The following DLGAP1 variants were observed in gnomAD, a reference collection of about 807,000 sequenced individuals.
The protein encoded by DLGAP1 is DLG associated protein 1, also known as disks large-associated protein 1.
DLGAP1 carries 11 observed loss-of-function variants against 90.8 expected under a neutral mutation model. The ratio of observed to expected loss-of-function variants is 0.12; its 90% CI spans 0.08 to 0.20. The LOEUF is 0.20. Among genes scored for constraint, DLGAP1 ranks in the 10% least tolerant of loss-of-function variants. The pLI is 1.00. For synonymous variants in DLGAP1, 558 were observed against 540.7 expected (o/e 1.03, Z -0.44); for missense variants, 1,050 against 1,333.8 (o/e 0.79, Z 3.31).
At chr18:4,326,321 CTA>C (rs1157948348) in intron 1 of DLGAP1, among the ~76,000 whole-genome samples, 1 of 152,000 alleles carries the variant, frequency 6.6e-6, no homozygotes, top group Admixed American at 6.6e-5. Flanking sequence ...GTCAGAATGT[CTA>C]TTATTAAAAA....
intron 7 of DLGAP1, among the ~76,000 whole-genome samples, chr18:3,683,476 C>T (rs1302593373): frequency 6.6e-6 from 1 of 152,114 alleles, no homozygotes; most frequent in East Asian, 1.9e-4. Flanking sequence ...CCAAATCTAT[C>T]AAGAGAGAAA....
chr18:3,807,654 C>T (rs1465519601), intron 5 of DLGAP1, among the ~76,000 whole-genome samples: 1 of 61,890 alleles, frequency 1.6e-5, no homozygotes, highest in Non-Finnish European at 3.4e-5. Flanking sequence ...CATAGGTAAA[C>T]GTGTGCTCTG....
At chr18:3,537,973 T>C (rs1395121879) in intron 9 of DLGAP1, among the ~76,000 whole-genome samples, 2 of 152,226 alleles carry the variant, frequency 1.3e-5, no homozygotes, top group Non-Finnish European at 2.9e-5. Context: ...CAACACTAAA[T>C]ACACCAGATT....
chr18:4,093,583 CA>C (rs55668469), intron 2 of DLGAP1, among the ~76,000 whole-genome samples: 81,294 of 148,952 alleles, frequency 0.55, 22,358 homozygotes, highest in Non-Finnish European at 0.6. Context: ...AAACATTAAT[CA>C]AAAAAAAAAA....
At chr18:3,898,703 A>T (rs1454006384) in intron 3 of DLGAP1, among the ~76,000 whole-genome samples, 1 of 152,218 alleles carries the variant, frequency 6.6e-6, no homozygotes, top group South Asian at 2.1e-4. Context: ...AATGTCCTTT[A>T]ACTTGAATAT....
Position 3,568,893 on chromosome 18 carries a change from A to T in DLGAP1, c.1966-1312T>A, listed in dbSNP as rs61640984. Among the ~76,000 whole-genome samples the T allele has an allele frequency of 7.3e-3, 1,111 of 151,552 alleles. 11 individuals are homozygous for T. The highest frequency in any genetic ancestry group is 0.026 in the African/African-American group (1,058 of 41,310). On this transcript the variant is annotated intron_variant, in intron 8 of 12. Coordinates refer to ENST00000315677, the MANE Select transcript of DLGAP1 (RefSeq NM_004746.4). The stretch of plus-strand genomic sequence containing the variant: ...AGTAGAGACGGGGTTTCACTGTGTT[A>T]GCCAGGATGGTCTCGATCTCCTGAC...
rs1256773838 is a variant in DLGAP1 at position 3,814,217 on chromosome 18, T to A, written c.1014A>T (p.Pro338=). 1.2e-6 allele frequency: 2 copies of A among 1,614,094 alleles called. No individual in the cohort carries two copies. The highest frequency in any genetic ancestry group is 1.7e-6 in the Non-Finnish European group (2 of 1,180,036). ...AACTGCCACTCCGCATTCTTCGGCA[T>A]GGAATTTCATCATCTTTACCTCGTG... ...YTPRGKDDEI[P]CRRMRSGSYI... is the part of the protein sequence containing the mutation. Residue 338 remains proline, a synonymous_variant, in exon 5 of 13, where the codon CCA becomes CCT. Transcript: ENST00000315677.
intron 2 of DLGAP1, among the ~76,000 whole-genome samples, chr18:4,142,538 C>A (rs1251323520): frequency 3.9e-5 from 6 of 152,154 alleles, no homozygotes; most frequent in African/African-American, 1.4e-4. Context: ...TAGTATCTTA[C>A]AGATGTCTGA....
intron 5 of DLGAP1, among the ~76,000 whole-genome samples, chr18:3,776,286 G>T (rs1297022433): frequency 6.6e-6 from 1 of 152,160 alleles, no homozygotes; most frequent in Non-Finnish European, 1.5e-5. Context: ...GCTTTTAAAG[G>T]TTACCAGTCT....
In DLGAP1 at chr18:3,696,389, G is replaced by C. The variant is rs117443241; in HGVS notation, c.1591+32746C>G. Among the ~76,000 whole-genome samples, 1,315 of 152,272 alleles carry C rather than the reference G, an allele frequency of 8.6e-3. 6 individuals are homozygous for C. Among genetic ancestry groups the C allele is most frequent in the Non-Finnish European group, 0.012 (829 of 68,016 alleles). ...ACATTTCATCAATACATAGTTTATT[G>C]AGAGTTTTTAGTGTGAAGTGGTGTT... On this transcript the variant is annotated intron_variant, in intron 7 of 12. Transcript: ENST00000315677.
chr18:3,959,340 T>C (rs1387867141), intron 3 of DLGAP1, among the ~76,000 whole-genome samples: 2 of 152,166 alleles, frequency 1.3e-5, no homozygotes, highest in Non-Finnish European at 2.9e-5. Context: ...CCTATTAGAC[T>C]TTCTTGTGGT....
At chr18:4,258,968 A>G (rs1312779575) in intron 1 of DLGAP1, among the ~76,000 whole-genome samples, 3 of 152,212 alleles carry the variant, frequency 2.0e-5, no homozygotes, top group Admixed American at 2.0e-4. Context: ...ATCAGTTAGG[A>G]ATACTGCCAA....
At chr18:4,258,264 G>C (rs1177430527) in intron 1 of DLGAP1, among the ~76,000 whole-genome samples, 1 of 151,598 alleles carries the variant, frequency 6.6e-6, no homozygotes. Flanking sequence ...GGCTGGTCTC[G>C]AATTCCTAGG....
At chr18:4,328,814 G>C (rs1418621058) in intron 1 of DLGAP1, among the ~76,000 whole-genome samples, 1 of 151,788 alleles carries the variant, frequency 6.6e-6, no homozygotes, top group African/African-American at 2.4e-5. Flanking sequence ...CATCTACTTA[G>C]GTACTTATTT....
intron 3 of DLGAP1, among the ~76,000 whole-genome samples, chr18:3,990,692 G>T (rs985216535): frequency 6.7e-6 from 1 of 149,508 alleles, no homozygotes; most frequent in South Asian, 2.1e-4. Context: ...GTTGAGTTTT[G>T]GTTGAGTATT....
At chr18:3,573,700 T>TTTTA (rs887133053) in intron 8 of DLGAP1, among the ~76,000 whole-genome samples, 4 of 152,016 alleles carry the variant, frequency 2.6e-5, no homozygotes, top group East Asian at 1.9e-4. Flanking sequence ...CAGGTTTTTA[T>TTTTA]TTTATTTATT....
chr18:4,418,138 C>T (rs11081106), intron 1 of DLGAP1, among the ~76,000 whole-genome samples: 5,075 of 152,176 alleles, frequency 0.033, 276 homozygotes, highest in African/African-American at 0.11. Context: ...TTATAACACA[C>T]TTCACACCTA....
chr18:4,181,242 C>G (rs188109185), intron 1 of DLGAP1, among the ~76,000 whole-genome samples: 8 of 152,202 alleles, frequency 5.3e-5, no homozygotes, highest in African/African-American at 1.9e-4. Context: ...ATGTGATGAA[C>G]TCATTTCTTG....
At chr18:3,932,283 T>G (rs1455886227) in intron 3 of DLGAP1, among the ~76,000 whole-genome samples, 1 of 152,194 alleles carries the variant, frequency 6.6e-6, no homozygotes. Flanking sequence ...AAAGAATTCA[T>G]GACATCCCAC....
Sources: allele counts gnomAD v4.1 joint callset (sites outside exome capture counted in the v4.1 genomes callset), GRCh38; gene constraint gnomAD v4.1.1; transcripts MANE v1.5; gene names NCBI Gene and HGNC (gene_info 2026-07-23, HGNC 2026-07-21).